The following ZNF678 variants were observed in gnomAD, a reference collection of about 807,000 sequenced individuals.
The protein encoded by ZNF678 is hypothetical protein MGC42493.
Under a neutral mutation model 3.0 loss-of-function variants are expected in ZNF678, and 5 were observed. The observed-to-expected ratio is 1.69, with a 90% confidence interval of 0.88 to 3.56. The LOEUF is 3.56. Ranked by LOEUF, ZNF678 falls within the 30% of genes most tolerant of loss-of-function variation. The pLI is 0.00. For missense variants in ZNF678, 593 were observed against 605.0 expected, an observed-to-expected ratio of 0.98 and a Z score of 0.21; for synonymous variants, 218 against 199.6, an observed-to-expected ratio of 1.09 and a Z score of -0.78.
chr1:227,590,840 A>G lies in ZNF678; in HGVS notation c.-164+27116A>G, dbSNP rs1179309543. ...ATTTACTCTGTGTCGTTTGAACTCC[A>G]CCATGTGGTCTTCCTACAGGAAGGG... On this transcript the variant is annotated intron_variant, in intron 1 of 3. Coordinates refer to ENST00000343776, the MANE Select transcript of ZNF678 (RefSeq NM_001367909.1). Among the ~76,000 whole-genome samples, 4 of 151,662 alleles carry G rather than the reference A, an allele frequency of 2.6e-5. No individual in the cohort carries two copies. The East Asian group carries it at 5.8e-4, about 22-fold the overall frequency.
intron 1 of ZNF678, among the ~76,000 whole-genome samples, chr1:227,568,646 C>G (rs575939451): frequency 1.3e-5 from 2 of 152,180 alleles, no homozygotes; most frequent in Non-Finnish European, 2.9e-5. Flanking sequence ...GTGAGGAGTT[C>G]TGTCAAATTA....
At chr1:227,569,585 T>C (rs1179937572) in intron 1 of ZNF678, among the ~76,000 whole-genome samples, 3 of 152,356 alleles carry the variant, frequency 2.0e-5, no homozygotes, top group Admixed American at 1.3e-4. Context: ...AAATTAGTTT[T>C]TTTTACTGGT....
intron 1 of ZNF678, among the ~76,000 whole-genome samples, chr1:227,578,052 C>T (rs1347319700): frequency 2.0e-5 from 3 of 152,102 alleles, no homozygotes; most frequent in East Asian, 1.9e-4. Flanking sequence ...TTAAGAATGT[C>T]GAATATTGGT....
chr1:227,600,324 C>T (rs1657703643), intron 1 of ZNF678, among the ~76,000 whole-genome samples: 1 of 152,084 alleles, frequency 6.6e-6, no homozygotes, highest in Non-Finnish European at 1.5e-5. Context: ...GGGTATTTAC[C>T]CAGTAATGGG....
At chr1:227,676,280 G>A (rs1193100705) in intron 5 of ZNF678, among the ~76,000 whole-genome samples, 1 of 152,158 alleles carries the variant, frequency 6.6e-6, no homozygotes, top group Non-Finnish European at 1.5e-5. Flanking sequence ...CACAAATGCT[G>A]TCAGGAGGGA....
intron 5 of ZNF678, among the ~76,000 whole-genome samples, chr1:227,675,095 G>T (rs1329026603): frequency 6.6e-6 from 1 of 152,104 alleles, no homozygotes; most frequent in Non-Finnish European, 1.5e-5. Context: ...ACATATTGAA[G>T]CCGTAACCTG....
At chr1:227,591,689 G>T (rs944208428) in intron 1 of ZNF678, among the ~76,000 whole-genome samples, 2 of 152,140 alleles carry the variant, frequency 1.3e-5, no homozygotes, top group African/African-American at 4.8e-5. Flanking sequence ...CACACATCAG[G>T]TTGGTCATTT....
chr1:227,665,345 G>T (rs561530352), downstream of ZNF678, among the ~76,000 whole-genome samples: 1 of 152,276 alleles, frequency 6.6e-6, no homozygotes, highest in East Asian at 1.9e-4. Context: ...AAAATCAGAC[G>T]CTTGTGCTGC....
At chr1:227,569,745 CTT>C (rs1656786780) in intron 1 of ZNF678, among the ~76,000 whole-genome samples, 1 of 151,984 alleles carries the variant, frequency 6.6e-6, no homozygotes, top group African/African-American at 2.4e-5. Context: ...CAAACAGTGA[CTT>C]TTTTTCTTCT....
At chr1:227,635,458 A>T (rs997773498) in intron 1 of ZNF678, among the ~76,000 whole-genome samples, 7 of 149,816 alleles carry the variant, frequency 4.7e-5, no homozygotes, top group African/African-American at 7.4e-5. Flanking sequence ...TTTTTTGTTG[A>T]CTATAGCCAA....
intron 1 of ZNF678, among the ~76,000 whole-genome samples, chr1:227,565,544 T>TG (rs397822139): frequency 2.0e-4 from 30 of 151,980 alleles, no homozygotes; most frequent in Non-Finnish European, 4.1e-4. Context: ...TTTATTTTTT[T>TG]GTAGAGATTG....
chr1:227,643,425 A>C (rs1450468084), intron 1 of ZNF678, among the ~76,000 whole-genome samples: 1 of 152,182 alleles, frequency 6.6e-6, no homozygotes, highest in Non-Finnish European at 1.5e-5. Flanking sequence ...AGCCAGTGGT[A>C]TAAAGATGTG....
intron 1 of ZNF678, among the ~76,000 whole-genome samples, chr1:227,633,442 T>G (rs1658601057): frequency 6.6e-6 from 1 of 152,208 alleles, no homozygotes; most frequent in African/African-American, 2.4e-5. Context: ...TACTACCTGA[T>G]TGGTCGGGTG....
At chr1:227,670,910 A>G (rs1033181665) in intron 5 of ZNF678, among the ~76,000 whole-genome samples, 1 of 152,006 alleles carries the variant, frequency 6.6e-6, no homozygotes, top group Admixed American at 6.5e-5. Flanking sequence ...ACACAAAATC[A>G]GACCACCAGG....
intron 2 of ZNF678, among the ~76,000 whole-genome samples, chr1:227,647,087 T>A (rs1658978685): frequency 6.8e-6 from 1 of 146,668 alleles, no homozygotes; most frequent in Non-Finnish European, 1.5e-5. Context: ...ACCCCATTTC[T>A]ACTAAAAATA....
chr1:227,647,259 A>G (rs1658982195), intron 2 of ZNF678, among the ~76,000 whole-genome samples: 2 of 152,222 alleles, frequency 1.3e-5, no homozygotes. Flanking sequence ...CTCCGTCTCA[A>G]CAAACAAACA....
In ZNF678 at chr1:227,655,670, T is replaced by C. The variant is rs766816914; in HGVS notation, c.1420T>C (p.Ser474Pro). The change falls in exon 4 of 4, where the codon TCA becomes CCA. Residue 474 changes from serine to proline, a missense_variant. Ser to Pro is a moderately conservative substitution (Grantham distance 74, BLOSUM62 -1). Transcript: ENST00000343776. The part of the protein sequence containing the change: ...EECGKAFNQF[S>P]SLTRHKRIHT... The stretch of plus-strand genomic sequence containing the variant: ...ATGTGGCAAAGCCTTTAACCAGTTC[T>C]CAAGCCTTACTCGTCATAAAAGAAT... The C allele has an allele frequency of 2.5e-6, 4 of 1,612,646 alleles. No individual in the cohort carries two copies. Among genetic ancestry groups the C allele is most frequent in the African/African-American group, 1.3e-5 (1 of 74,928 alleles).
chr1:227,591,647 C>T (rs571127105), intron 1 of ZNF678, among the ~76,000 whole-genome samples: 3 of 152,206 alleles, frequency 2.0e-5, no homozygotes, highest in African/African-American at 7.2e-5. Flanking sequence ...ATTTTAAAAA[C>T]TGTGGTCATG....
intron 5 of ZNF678, among the ~76,000 whole-genome samples, chr1:227,675,881 T>C (rs1420173144): frequency 6.6e-6 from 1 of 152,222 alleles, no homozygotes; most frequent in Non-Finnish European, 1.5e-5. Context: ...ATGCAACATC[T>C]GCAAGGTGTT....
Sources: gnomAD v4.1 joint callset for allele counts (sites outside exome capture counted in the v4.1 genomes callset) on GRCh38, gnomAD v4.1.1 for gene constraint, MANE v1.5 for transcripts, NCBI Gene and HGNC (gene_info 2026-07-23, HGNC 2026-07-21) for gene names.